The following HELQ variants were observed in gnomAD, a reference collection of about 807,000 sequenced individuals.
HELQ encodes helicase, POLQ like.
HELQ carries 77 observed loss-of-function variants against 111.6 expected under a neutral mutation model. The ratio of observed to expected loss-of-function variants is 0.69; its 90% CI spans 0.57 to 0.83. The LOEUF is 0.83. Among genes scored for constraint, HELQ ranks in the 40% least tolerant of loss-of-function variants. The pLI is 0.00. For missense variants in HELQ, 1,200 were observed against 1,288.5 expected, an observed-to-expected ratio of 0.93 and a Z score of 1.05; for synonymous variants, 438 against 454.7, an observed-to-expected ratio of 0.96 and a Z score of 0.47.
Position 83,429,628 on chromosome 4 carries a change from T to A in HELQ, c.2414A>T (p.Tyr805Phe). ...TTGTAGGAGTCCTTTTTCTGTCAGGTATCTAAGTGATTCAACAGTTATTTC... is the reference window on the plus strand; with the variant it reads ...TTGTAGGAGTCCTTTTTCTGTCAGGAATCTAAGTGATTCAACAGTTATTTC... The part of the protein sequence containing the change: ...LWEITVESLR[Y>F]LTEKGLLQKD... The change falls in exon 12 of 18, where the codon TAC (tyrosine) becomes TTC (phenylalanine). Residue 805 changes from tyrosine to phenylalanine, a missense_variant. By Grantham distance (22) the Tyr-to-Phe change is conservative. This residue lies in a region of HELQ where 585 missense variants were observed against 665.3 expected (regional missense o/e 0.88). Coordinates refer to ENST00000295488, the MANE Select transcript of HELQ (RefSeq NM_133636.5). 6.2e-7 allele frequency: 1 copy of A among 1,612,652 alleles called. No individual in the cohort carries two copies. The highest frequency in any genetic ancestry group is 1.1e-5 in the South Asian group (1 of 91,046).
intron 13 of HELQ, among the ~76,000 whole-genome samples, chr4:83,426,650 G>C (rs190461467): frequency 6.6e-6 from 1 of 151,340 alleles, no homozygotes; most frequent in South Asian, 2.1e-4. Flanking sequence ...TGCAACCTCC[G>C]CCTCCTGGGT....
At chr4:83,442,319 G>C (rs927496816) in intron 6 of HELQ, among the ~76,000 whole-genome samples, 3 of 147,482 alleles carry the variant, frequency 2.0e-5, no homozygotes, top group Non-Finnish European at 4.5e-5. Context: ...CCAGGCTGGG[G>C]TGTAGCGGCA....
Position 83,453,156 on chromosome 4 carries a change from T to C in HELQ, c.1012+75A>G, listed in dbSNP as rs771117819. 22 of 792,636 alleles carry C rather than the reference T, an allele frequency of 2.8e-5. No individual in the cohort carries two copies. In the African/African-American group the frequency reaches 3.2e-4, roughly 11 times the overall value. The allele number at this position is 792,636 out of a possible 1,614,324, so 49.1% of individuals were successfully genotyped here. A position where few individuals can be genotyped will look rare whatever the true frequency, so the allele number is the denominator to read the frequency against. On this transcript the variant is annotated intron_variant, in intron 2 of 17. Coordinates refer to ENST00000295488, the MANE Select transcript of HELQ (RefSeq NM_133636.5). The stretch of plus-strand genomic sequence containing the variant: ...GAAACAGTATGGACCATGAAAGCAT[T>C]TGCTTCTATTTACTTGCACTAATAT...
intron 11 of HELQ, among the ~76,000 whole-genome samples, chr4:83,430,788 A>G (rs1477926474): frequency 6.6e-6 from 1 of 152,054 alleles, no homozygotes; most frequent in Non-Finnish European, 1.5e-5. Context: ...TACTTTTAAG[A>G]TATTTAAGAA....
intron 17 of HELQ, among the ~76,000 whole-genome samples, chr4:83,410,731 T>C (rs1302419106): frequency 3.3e-5 from 5 of 152,132 alleles, no homozygotes; most frequent in African/African-American, 7.2e-5. Flanking sequence ...TTATAACTAA[T>C]AGAATGCAGA....
At chr4:83,426,195 A>G (rs756902608) in intron 13 of HELQ, 103 bp from the exon 14 acceptor site, 1 of 676,832 alleles carries the variant, frequency 1.5e-6, no homozygotes, top group Non-Finnish European at 2.7e-6. Context: ...TCAGGATACA[A>G]AAAACAAGAT....
Position 83,427,710 on chromosome 4 carries a change from A to C in HELQ, c.2529T>G (p.Asp843Glu). The change falls in exon 13 of 18, where the codon GAT becomes GAG. Residue 843 changes from aspartate to glutamate, a missense_variant. Asp to Glu is a conservative substitution (Grantham distance 45). Transcript: ENST00000295488. The part of the protein sequence containing the change: ...LGRASFKGTI[D>E]LAYCDILYRD... ...TGTACAGAATGTCACAATAAGCTAA[A>C]TCTATAGTTCCTAAAAGAAAGATAC... 6.5e-7 allele frequency: 1 copy of C among 1,545,444 alleles called. No individual in the cohort carries two copies. Among genetic ancestry groups the C allele is most frequent in the Non-Finnish European group, 8.7e-7 (1 of 1,149,506 alleles).
chr4:83,455,119 GATTTT>G (rs1721680573), intron 1 of HELQ: 3 of 441,066 alleles, frequency 6.8e-6, no homozygotes, highest in Non-Finnish European at 1.2e-5. Flanking sequence ...ATAAACAGCA[GATTTT>G]ATTTGTACAG....
At chr4:83,437,760 A>G (rs913042418) in intron 8 of HELQ, among the ~76,000 whole-genome samples, 1 of 152,164 alleles carries the variant, frequency 6.6e-6, no homozygotes, top group African/African-American at 2.4e-5. Context: ...GGATGTTATA[A>G]CTGTTTTTTT....
intron 2 of HELQ, among the ~76,000 whole-genome samples, chr4:83,449,440 T>C (rs1032514703): frequency 6.6e-6 from 1 of 152,212 alleles, no homozygotes; most frequent in African/African-American, 2.4e-5. Context: ...TAATAAAAAC[T>C]TTAACTAGCT....
chr4:83,438,754 A>AAAAAAAG lies in HELQ; in HGVS notation c.1808+1108_1808+1109insCTTTTTT, dbSNP rs1360779180. On this transcript the variant is annotated intron_variant, in intron 8 of 17. Coordinates refer to ENST00000295488, the MANE Select transcript of HELQ (RefSeq NM_133636.5). ...GAGTGAGACCCTGTCTCAGGAAAAAAAAAAAAAAAAAAGGAAAAGAGAAAA... is the reference window on the plus strand; with the variant it reads ...GAGTGAGACCCTGTCTCAGGAAAAAAAAAAAAGAAAAAAAAAAAAGGAAAAGAGAAAA... Among the ~76,000 whole-genome samples, 266 of 151,484 alleles carry AAAAAAAG rather than the reference A, an allele frequency of 1.8e-3. 5 individuals carry two copies. Among genetic ancestry groups the AAAAAAAG allele is most frequent in the African/African-American group, 6.2e-3 (257 of 41,234 alleles).
At chr4:83,419,180 T>C (rs1033541273) in intron 15 of HELQ, among the ~76,000 whole-genome samples, 2 of 146,224 alleles carry the variant, frequency 1.4e-5, no homozygotes, top group Non-Finnish European at 3.0e-5. Flanking sequence ...TTTTTTTTTT[T>C]CTAGCTCATA....
intron 9 of HELQ, among the ~76,000 whole-genome samples, chr4:83,434,240 G>A (rs1327558656): frequency 3.3e-5 from 5 of 151,016 alleles, no homozygotes; most frequent in African/African-American, 7.3e-5. Flanking sequence ...GTGTGGTGGT[G>A]GGCGCCTGTA....
intron 6 of HELQ, among the ~76,000 whole-genome samples, chr4:83,441,770 C>CTTTTT (rs34655032): frequency 8.1e-6 from 1 of 123,868 alleles, no homozygotes; most frequent in Non-Finnish European, 1.7e-5. Context: ...AAAACTTTGT[C>CTTTTT]TTTTTTTTTT....
At position 83,455,615 on chromosome 4, in the gene HELQ, C is replaced by CA; in HGVS notation, c.78dup (p.Gly27TrpfsTer13). ...ACGAGCTCGGCCGCGGTGGGAGCGC[C>CA]AAAAATACACCCCAAGCTTGGACGG... On this transcript the variant is annotated frameshift_variant, in exon 1 of 18. Transcript: ENST00000295488. LOFTEE classifies it high-confidence loss of function. 1 of 1,613,642 alleles carries CA rather than the reference C, an allele frequency of 6.2e-7. No homozygotes were observed. Among genetic ancestry groups the CA allele is most frequent in the Non-Finnish European group, 8.5e-7 (1 of 1,179,920 alleles).
chr4:83,444,254 A>G (rs1416089144), intron 5 of HELQ, among the ~76,000 whole-genome samples: 1 of 152,218 alleles, frequency 6.6e-6, no homozygotes, highest in African/African-American at 2.4e-5. Context: ...GAGCTATGAT[A>G]TGTTCCACAG....
intron 17 of HELQ, among the ~76,000 whole-genome samples, chr4:83,413,808 T>C (rs1739226293): frequency 6.6e-6 from 1 of 152,242 alleles, no homozygotes. Context: ...CATATGTAGT[T>C]GCTCCAGTCA....
intron 8 of HELQ, among the ~76,000 whole-genome samples, chr4:83,439,635 A>C (rs1720665795): frequency 6.6e-6 from 1 of 152,238 alleles, no homozygotes; most frequent in African/African-American, 2.4e-5. Context: ...TGCTGGGATT[A>C]CAGGCATGAG....
chr4:83,455,853 C>T (rs1721770566), upstream of HELQ: 5 of 799,030 alleles, frequency 6.3e-6, no homozygotes, highest in Non-Finnish European at 1.0e-5. Context: ...CACGCATAAA[C>T]TTCTACCCTG....
Sources: allele counts gnomAD v4.1 joint callset (sites outside exome capture counted in the v4.1 genomes callset), GRCh38; gene constraint gnomAD v4.1.1; regional missense constraint gnomAD v4.1.1; transcripts MANE v1.5; gene names NCBI Gene and HGNC (gene_info 2026-07-23, HGNC 2026-07-21).